NCAM2: variants seen among roughly 807,000 people sequenced by gnomAD.
NCAM2 encodes neural cell adhesion molecule 2.
NCAM2 carries 30 observed loss-of-function variants against 98.1 expected under a neutral mutation model. The observed-to-expected ratio is 0.31, with a 90% confidence interval of 0.23 to 0.41. The LOEUF is 0.41. NCAM2 is among the 10% of genes least tolerant of loss of function. The pLI is 1.00. For missense variants in NCAM2, 867 were observed against 1,005.8 expected (o/e 0.86, Z 1.87); for synonymous variants, 368 against 342.4 (o/e 1.07, Z -0.83).
chr21:21,442,416 C>A (rs936210090), intron 12 of NCAM2, among the ~76,000 whole-genome samples: 1 of 152,138 alleles, frequency 6.6e-6, no homozygotes, highest in Admixed American at 6.6e-5. Flanking sequence ...CTGATTCTGA[C>A]ATTTTAGACC....
At chr21:21,030,951 TAA>T (rs148221926) in intron 1 of NCAM2, among the ~76,000 whole-genome samples, 1 of 151,942 alleles carries the variant, frequency 6.6e-6, no homozygotes, top group African/African-American at 2.4e-5. Flanking sequence ...GAATTTAAAA[TAA>T]AAAAGATAAT....
At chr21:21,238,917 C>T (rs902748694) in intron 1 of NCAM2, among the ~76,000 whole-genome samples, 1 of 152,074 alleles carries the variant, frequency 6.6e-6, no homozygotes, top group Non-Finnish European at 1.5e-5. Flanking sequence ...GAGCAATTCC[C>T]CTCAGTGGGT....
intron 12 of NCAM2, among the ~76,000 whole-genome samples, chr21:21,439,328 A>G (rs778715816): frequency 6.6e-6 from 1 of 152,168 alleles, no homozygotes; most frequent in Non-Finnish European, 1.5e-5. Context: ...CATGTTGGCC[A>G]GGCTGGTCTG....
rs533024076 is a variant in NCAM2, at chr21:21,460,738, A to T, written c.1655-5868A>T. On this transcript the variant is annotated intron_variant, in intron 12 of 17. Coordinates refer to ENST00000400546, the MANE Select transcript of NCAM2 (RefSeq NM_004540.5). ...GGTATGTGATATGTGTCCTCACAAG[A>T]TCCTTATAATAAAAAGATTCTCACA... 6.6e-5 allele frequency among the ~76,000 whole-genome samples: 10 copies of T among 152,074 alleles called. No individual in the cohort carries two copies. The South Asian group carries it at 1.9e-3, about 28-fold the overall frequency.
At position 21,428,063 on chromosome 21, in the gene NCAM2, A is replaced by G. The variant is rs1363798998; in HGVS notation, c.1481-4045A>G. Among the ~76,000 whole-genome samples, 4 of 152,246 alleles carry G rather than the reference A, an allele frequency of 2.6e-5. No individual in the cohort carries two copies. The East Asian group carries it at 7.7e-4, about 29-fold the overall frequency. On this transcript the variant is annotated intron_variant, in intron 11 of 17. Transcript: ENST00000400546. The stretch of plus-strand genomic sequence containing the variant: ...AGTGGCAAGGCCAGGTCTTGAATCC[A>G]TGGACTCTCATGACATATCCAGTCT...
chr21:21,530,079 TATA>T (rs916733125), intron 16 of NCAM2, among the ~76,000 whole-genome samples: 17 of 143,182 alleles, frequency 1.2e-4, no homozygotes, highest in Non-Finnish European at 2.1e-4. Context: ...AATAAAATTA[TATA>T]ATTTAATTTA....
intron 1 of NCAM2, among the ~76,000 whole-genome samples, chr21:21,227,485 G>T (rs1053625418): frequency 6.6e-6 from 1 of 151,766 alleles, no homozygotes; most frequent in African/African-American, 2.4e-5. Flanking sequence ...TTTATTGTTA[G>T]AAAGATCAAA....
intron 1 of NCAM2, among the ~76,000 whole-genome samples, chr21:21,186,071 A>T (rs2068632000): frequency 6.6e-6 from 1 of 152,102 alleles, no homozygotes; most frequent in Admixed American, 6.6e-5. Context: ...GTTCATAGAG[A>T]AGTAACTTTA....
intron 7 of NCAM2, 112 bp downstream of exon 7, chr21:21,335,777 C>T (rs2074849312): frequency 1.1e-6 from 1 of 925,536 alleles, no homozygotes; most frequent in Non-Finnish European, 1.4e-6. Flanking sequence ...TCTGTTTCCT[C>T]TTCTCTGTAA....
intron 10 of NCAM2, among the ~76,000 whole-genome samples, chr21:21,413,178 C>T (rs2076921762): frequency 6.6e-6 from 1 of 152,132 alleles, no homozygotes; most frequent in African/African-American, 2.4e-5. Context: ...GAGGAAATTA[C>T]AAAACTTTTC....
intron 12 of NCAM2, among the ~76,000 whole-genome samples, chr21:21,454,106 A>G (rs1602391250): frequency 6.6e-6 from 1 of 152,106 alleles, no homozygotes; most frequent in Non-Finnish European, 1.5e-5. Flanking sequence ...CTAAATATAT[A>G]TATAGACACA....
intron 1 of NCAM2, among the ~76,000 whole-genome samples, chr21:21,206,685 C>A (rs961425389): frequency 6.6e-6 from 1 of 152,030 alleles, no homozygotes; most frequent in African/African-American, 2.4e-5. Context: ...ATAACTTTTT[C>A]AATTTTGTCA....
chr21:21,301,015 A>T (rs1054021777), intron 5 of NCAM2, among the ~76,000 whole-genome samples: 1 of 152,044 alleles, frequency 6.6e-6, no homozygotes, highest in African/African-American at 2.4e-5. Context: ...ATCACCACGG[A>T]TAGTGAATAT....
intron 1 of NCAM2, among the ~76,000 whole-genome samples, chr21:21,251,309 C>T (rs1227248976): frequency 6.6e-6 from 1 of 151,794 alleles, no homozygotes; most frequent in Non-Finnish European, 1.5e-5. Context: ...TGTCTTAATG[C>T]TCTCCCTCTC....
At chr21:21,039,391 G>T (rs1431395963) in intron 1 of NCAM2, among the ~76,000 whole-genome samples, 1 of 152,168 alleles carries the variant, frequency 6.6e-6, no homozygotes, top group Non-Finnish European at 1.5e-5. Context: ...AGAGTTGGGT[G>T]ACTAATATTA....
At chr21:21,080,652 A>G (rs1447040392) in intron 1 of NCAM2, among the ~76,000 whole-genome samples, 1 of 37,988 alleles carries the variant, frequency 2.6e-5, no homozygotes, top group Non-Finnish European at 6.5e-5. Flanking sequence ...AATTGATAAG[A>G]TCTCAAAAAA....
intron 11 of NCAM2, among the ~76,000 whole-genome samples, chr21:21,430,093 A>C (rs1398549872): frequency 6.6e-6 from 1 of 151,832 alleles, no homozygotes; most frequent in Admixed American, 6.6e-5. Flanking sequence ...CAGGGACATG[A>C]TCTCAACTCA....
chr21:21,351,729 A>AT (rs2075345338), intron 8 of NCAM2, among the ~76,000 whole-genome samples: 1 of 148,142 alleles, frequency 6.8e-6, no homozygotes, highest in Non-Finnish European at 1.5e-5. Context: ...CTATTTGTTC[A>AT]TTTGTTTGTT....
chr21:21,454,761 G>A (rs572251611), intron 12 of NCAM2, among the ~76,000 whole-genome samples: 80 of 152,028 alleles, frequency 5.3e-4, no homozygotes, highest in Non-Finnish European at 8.5e-4. Flanking sequence ...GCTTTCTCAA[G>A]CATCTAAATG....
Sources: gnomAD v4.1 joint callset for allele counts (sites outside exome capture counted in the v4.1 genomes callset) on GRCh38, gnomAD v4.1.1 for gene constraint, MANE v1.5 for transcripts, NCBI Gene and HGNC (gene_info 2026-07-23, HGNC 2026-07-21) for gene names.